The following LRRC41 variants were observed in gnomAD, a reference collection of about 807,000 sequenced individuals.
LRRC41 encodes the protein leucine rich repeat containing 41, also known as leucine-rich repeat-containing protein 41.
LRRC41 carries 17 observed loss-of-function variants against 72.1 expected under a neutral mutation model. The ratio of observed to expected loss-of-function variants is 0.24; its 90% CI spans 0.16 to 0.35. The LOEUF (loss-of-function observed/expected upper bound fraction) is 0.35. LRRC41 is among the 10% of genes least tolerant of loss of function. The pLI is 1.00. For synonymous variants in LRRC41, 427 were observed against 431.0 expected (o/e 0.99, Z 0.11); for missense variants, 759 against 1,065.0 (o/e 0.71, Z 4.00).
chr1:46,287,113 A>C (rs1324213962), intron 3 of LRRC41, among the ~76,000 whole-genome samples: 1 of 145,012 alleles, frequency 6.9e-6, no homozygotes, highest in Admixed American at 6.9e-5. Flanking sequence ...CCTTATCCCA[A>C]CTTCATTTTT....
chr1:46,291,752 G>T (rs543706353), intron 3 of LRRC41, among the ~76,000 whole-genome samples: 2 of 151,332 alleles, frequency 1.3e-5, no homozygotes, highest in South Asian at 4.2e-4. Context: ...TAGAGACGGG[G>T]TTTCACCATA....
At chr1:46,295,224 C>T (rs1004469710) in intron 3 of LRRC41, among the ~76,000 whole-genome samples, 1 of 151,854 alleles carries the variant, frequency 6.6e-6, no homozygotes, top group African/African-American at 2.4e-5. Flanking sequence ...CATGCCCAGC[C>T]AGTTCTTTGT....
In LRRC41 at chr1:46,281,234, C is replaced by G. The variant is rs754447112; in HGVS notation, c.1647G>C (p.Leu549=). The part of the protein sequence containing the change: ...LTRAIVRALP[L]LRVLSIRVDH... Reference sequence around the variant, plus strand: ...CAACACGAATAGAGAGGACCCGTAGCAGGGGCAGTGCTCGCACGATAGCAC... The same window carrying G: ...CAACACGAATAGAGAGGACCCGTAGGAGGGGCAGTGCTCGCACGATAGCAC... The change falls in exon 5 of 10, where the codon CTG becomes CTC. Residue 549 remains leucine (L), a synonymous_variant. Coordinates refer to ENST00000617190, the MANE Select transcript of LRRC41 (RefSeq NM_006369.5). The G allele has an allele frequency of 1.2e-6, 2 of 1,614,224 alleles. No individual in the cohort carries two copies. The highest frequency in any genetic ancestry group is 1.7e-6 in the Non-Finnish European group (2 of 1,180,050).
chr1:46,281,445 TCAAATACAACTC>T lies in LRRC41; in HGVS notation c.1496-72_1496-61del, dbSNP rs1406767707. ...GGGAGTGTCAGCAGGGGTAATATAT[TCAAATACAACTC>T]CAAATACTTTTGGTTACTAGCAAAT... On this transcript the variant is annotated intron_variant, in intron 4 of 9. Transcript: ENST00000617190. 2.6e-6 allele frequency: 4 copies of T among 1,521,274 alleles called. No individual in the cohort carries two copies. In the Admixed American group the frequency reaches 5.5e-5, roughly 21 times the overall value. 94.2% of individuals were successfully genotyped at this position (1,521,274 alleles called of 1,614,324 possible).
intron 3 of LRRC41, among the ~76,000 whole-genome samples, chr1:46,289,685 C>T (rs191645577): frequency 7.2e-5 from 11 of 152,108 alleles, no homozygotes; most frequent in African/African-American, 2.2e-4. Context: ...GGCGTGAACC[C>T]GGGAGGCGGA....
Position 46,281,104 on chromosome 1 carries a change from AACAC to A in LRRC41, c.1756+17_1756+20del, listed in dbSNP as rs755099410. The A allele has an allele frequency of 1.4e-4, 229 of 1,612,242 alleles. 2 individuals are homozygous for A. The East Asian group carries it at 3.2e-3, about 23-fold the overall frequency. On this transcript the variant is annotated intron_variant, in intron 5 of 9. Coordinates refer to ENST00000617190, the MANE Select transcript of LRRC41 (RefSeq NM_006369.5). ...GGATACACGTGCGTGCACACACACAAACACACACACAGTGCTTCACCTGGTATCT... is the reference window on the plus strand; with the variant it reads ...GGATACACGTGCGTGCACACACACAAACACACAGTGCTTCACCTGGTATCT...
intron 3 of LRRC41, among the ~76,000 whole-genome samples, chr1:46,293,021 T>C (rs918251862): frequency 8.6e-5 from 13 of 152,016 alleles, no homozygotes; most frequent in African/African-American, 3.1e-4. Flanking sequence ...TCATCTCTAC[T>C]AAAAATGCAA....
Position 46,278,570 on chromosome 1 carries a change from C to T in LRRC41, c.*295G>A. The T allele has an allele frequency of 1.6e-6, 1 of 608,004 alleles. No individual in the cohort carries two copies. The highest frequency in any genetic ancestry group is 2.9e-6 in the Non-Finnish European group (1 of 346,078). The allele number at this position is 608,004 out of a possible 1,614,324, so 37.7% of individuals were successfully genotyped here. A position where few individuals can be genotyped will look rare whatever the true frequency, so the allele number is the denominator to read the frequency against. ...TGCTTGAGGAGGGAAGGCAGGAACC[C>T]AGGGGCAGGGGAGGGGATCTCTTCA... On this transcript the variant is annotated 3_prime_UTR_variant, in exon 10 of 10. Coordinates refer to ENST00000617190, the MANE Select transcript of LRRC41 (RefSeq NM_006369.5).
Position 46,285,735 on chromosome 1 carries a change from G to A in LRRC41, c.1122C>T (p.Tyr374=). ...TSSASSSTSS[Y]KRAPASSAPQ... ...GGGCTGAGCTAGCTGGTGCCCGTTT[G>A]TATGAGGATGTAGAAGAAGAGGCAG... Residue 374 remains tyrosine, a synonymous_variant, in exon 4 of 10, where the codon TAC becomes TAT. Transcript: ENST00000617190. This position sits in a 1 kb window ranked among gnomAD's most constrained non-coding sequence, Gnocchi z 5.3. The A allele has an allele frequency of 6.2e-7, 1 of 1,605,770 alleles. No homozygotes were observed.
At position 46,278,528 on chromosome 1, in the gene LRRC41, T is replaced by C. The variant is rs547731589; in HGVS notation, c.*337A>G. ...GCAGGGAAGAAGCCCCCTATACTTC[T>C]CTAAAGCCTGGGTGCCTGCTTGAGG... On this transcript the variant is annotated 3_prime_UTR_variant, in exon 10 of 10. Transcript: ENST00000617190. The C allele has an allele frequency of 3.5e-5, 22 of 621,238 alleles. No homozygotes were observed. The South Asian group carries it at 4.3e-4, about 12-fold the overall frequency. The allele number at this position is 621,238 out of a possible 1,614,324, so 38.5% of individuals were successfully genotyped here.
intron 4 of LRRC41, among the ~76,000 whole-genome samples, chr1:46,281,831 C>G (rs189269259): frequency 2.8e-4 from 43 of 152,330 alleles, no homozygotes; most frequent in Admixed American, 1.8e-3. Context: ...GTAATCCCAG[C>G]ACTTTGGGAG....
In LRRC41 at chr1:46,286,843, G is replaced by A. The variant is rs1660893836; in HGVS notation, c.358-344C>T. On this transcript the variant is annotated intron_variant, in intron 3 of 9. Coordinates refer to ENST00000617190, the MANE Select transcript of LRRC41 (RefSeq NM_006369.5). The surrounding 1 kb of genome is among the most constrained non-coding windows in gnomAD (Gnocchi z 5.5). ...CAATTTTTTTTTTCTTTTTAAGATAGAGTCTCACTTTGTAGCCTAGGCTGG... is the reference window on the plus strand; with the variant it reads ...CAATTTTTTTTTTCTTTTTAAGATAAAGTCTCACTTTGTAGCCTAGGCTGG... Among the ~76,000 whole-genome samples, 1 of 151,938 alleles carries A rather than the reference G, an allele frequency of 6.6e-6. No individual in the cohort carries two copies. The highest frequency in any genetic ancestry group is 6.6e-5 in the Admixed American group (1 of 15,254).
Position 46,280,450 on chromosome 1 carries a change from T to C in LRRC41, c.1867A>G (p.Ser623Gly), listed in dbSNP as rs752970630. The C allele has an allele frequency of 6.2e-7, 1 of 1,614,206 alleles. No homozygotes were observed. Among genetic ancestry groups the C allele is most frequent in the South Asian group, 1.1e-5 (1 of 91,082 alleles). Residue 623 changes from serine to glycine, a missense_variant, in exon 6 of 10, where the codon AGT (serine) becomes GGT (glycine). This residue lies in a region of LRRC41 where 427 missense variants were observed against 520.9 expected (regional missense o/e 0.82). Coordinates refer to ENST00000617190, the MANE Select transcript of LRRC41 (RefSeq NM_006369.5). Reference protein sequence around the residue: ...SGSLQQLSLDSATFASPQDFG... With the variant: ...SGSLQQLSLDGATFASPQDFG... ...TCCTGGGGAGAGGCAAAGGTGGCAC[T>C]ATCCAGGGACAGCTGCTGCAGAGAA...
At chr1:46,297,897 G>C (rs1661155390) in intron 2 of LRRC41, among the ~76,000 whole-genome samples, 1 of 152,194 alleles carries the variant, frequency 6.6e-6, no homozygotes, top group Non-Finnish European at 1.5e-5. Flanking sequence ...TTGTTGAAAG[G>C]ATTAGGGTAA....
intron 3 of LRRC41, among the ~76,000 whole-genome samples, chr1:46,290,399 G>A (rs1660982722): frequency 6.6e-6 from 1 of 152,132 alleles, no homozygotes; most frequent in Non-Finnish European, 1.5e-5. Flanking sequence ...ACTGGAGTGA[G>A]ACCGTCTCAA....
Position 46,281,140 on chromosome 1 carries a change from C to T in LRRC41, c.1741G>A (p.Asp581Asn), listed in dbSNP as rs757618274. 6 of 1,613,808 alleles carry T rather than the reference C, an allele frequency of 3.7e-6. No individual in the cohort carries two copies. The highest frequency in any genetic ancestry group is 2.7e-5 in the African/African-American group (2 of 74,934). ...AGTGCTTCACCTGGTATCTCCTCAT[C>T]GCCTATTATGTGGCTAGGGGGCCCT... ...NAGPPSHIIG[D>N]EEIPENCLEQ... Residue 581 changes from aspartate (D) to asparagine (N), a missense_variant, in exon 5 of 10, where the codon GAT becomes AAT. By Grantham distance (23) the Asp-to-Asn change is conservative (BLOSUM62 1). This residue lies in a region of LRRC41 where 427 missense variants were observed against 520.9 expected (regional missense o/e 0.82). Coordinates refer to ENST00000617190, the MANE Select transcript of LRRC41 (RefSeq NM_006369.5).
chr1:46,277,842 T>C lies in LRRC41; in HGVS notation c.*1023A>G. The C allele has an allele frequency of 6.2e-7, 1 of 1,612,408 alleles. No individual in the cohort carries two copies. The highest frequency in any genetic ancestry group is 1.7e-5 in the Admixed American group (1 of 60,016). On this transcript the variant is annotated 3_prime_UTR_variant, in exon 10 of 10. Transcript: ENST00000617190. ...GCAGGGACCATTGAGGAGAAGATCTTCCAGCGTCAGAGCCACAAGAAGGCA... is the reference window on the plus strand; with the variant it reads ...GCAGGGACCATTGAGGAGAAGATCTCCCAGCGTCAGAGCCACAAGAAGGCA...
chr1:46,298,588 A>G, intron 1 of LRRC41: 1 of 443,254 alleles, frequency 2.3e-6, no homozygotes, highest in Admixed American at 4.0e-5. Context: ...CAAGGGTGAG[A>G]TCATCCCACA....
Position 46,285,357 on chromosome 1 carries a change from C to T in LRRC41, c.1495+5G>A, listed in dbSNP as rs1430606065. The T allele has an allele frequency of 2.5e-6, 4 of 1,613,910 alleles. No individual in the cohort carries two copies. The highest frequency in any genetic ancestry group is 3.4e-6 in the Non-Finnish European group (4 of 1,179,918). ...GCCCAATCCCTGCCACTCCAGGGTG[C>T]TCACCATTGTAGGAGAGTGTGAGGC... On this transcript the variant is annotated splice_donor_5th_base_variant and intron_variant, in intron 4 of 9. Transcript: ENST00000617190. The surrounding 1 kb of genome is among the most constrained non-coding windows in gnomAD (Gnocchi z 5.3).
Sources: allele counts gnomAD v4.1 joint callset (sites outside exome capture counted in the v4.1 genomes callset), GRCh38; gene constraint gnomAD v4.1.1; regional missense constraint gnomAD v4.1.1; non-coding constraint Gnocchi (gnomAD v3.1); transcripts MANE v1.5; gene names NCBI Gene and HGNC (gene_info 2026-07-23, HGNC 2026-07-21).